Variants in CHST9 observed in about 807,000 individuals in gnomAD.
CHST9 encodes the protein GalNAc-4-sulfotransferase 2.
A neutral mutation model predicts 44.4 loss-of-function variants in CHST9; 41 were observed. That is an observed-to-expected ratio of 0.92 (90% CI 0.72 to 1.20). The LOEUF (loss-of-function observed/expected upper bound fraction) is 1.20, where lower values mean the gene tolerates loss of function less well. CHST9 is among the 50% of genes most tolerant of loss of function. The pLI is 0.00. For synonymous variants in CHST9, 171 were observed against 178.4 expected, an observed-to-expected ratio of 0.96 and a Z score of 0.33; for missense variants, 504 against 516.5, an observed-to-expected ratio of 0.98 and a Z score of 0.23.
At chr18:26,983,611 C>T (rs1417054430) in intron 4 of CHST9, among the ~76,000 whole-genome samples, 1 of 152,124 alleles carries the variant, frequency 6.6e-6, no homozygotes, top group Non-Finnish European at 1.5e-5. Context: ...ATAAATTAGC[C>T]CACCTCAAGT....
intron 5 of CHST9, among the ~76,000 whole-genome samples, chr18:26,936,933 A>G (rs538125070): frequency 2.0e-5 from 3 of 152,294 alleles, no homozygotes; most frequent in Admixed American, 6.5e-5. Context: ...TCAGTATTCC[A>G]TATTTTCTCA....
At chr18:27,079,427 A>C (rs1197894798) in intron 2 of CHST9, among the ~76,000 whole-genome samples, 1 of 152,178 alleles carries the variant, frequency 6.6e-6, no homozygotes, top group Non-Finnish European at 1.5e-5. Flanking sequence ...TCTCTTCACT[A>C]TTTTAAAAAT....
At chr18:27,125,903 G>A (rs1005108669) in intron 2 of CHST9, among the ~76,000 whole-genome samples, 2 of 152,200 alleles carry the variant, frequency 1.3e-5, no homozygotes, top group African/African-American at 4.8e-5. Flanking sequence ...AACAAAGGAA[G>A]TGTAAAAGGG....
intron 3 of CHST9, among the ~76,000 whole-genome samples, chr18:27,045,514 G>C (rs999265497): frequency 6.6e-6 from 1 of 151,870 alleles, no homozygotes; most frequent in East Asian, 1.9e-4. Flanking sequence ...CCGGTAAAGA[G>C]AATCAAGGGA....
chr18:27,046,203 C>T (rs2057498058), intron 3 of CHST9, among the ~76,000 whole-genome samples: 1 of 151,972 alleles, frequency 6.6e-6, no homozygotes, highest in Non-Finnish European at 1.5e-5. Flanking sequence ...AGAGACGTTT[C>T]CTTGTTAGGA....
chr18:27,039,287 G>T lies in CHST9; in HGVS notation c.160+9178C>A, dbSNP rs6650687. Reference sequence around the variant, plus strand: ...GCAACTCAAGTGCCCATTGTTGCATGAATGGATAAATAAAATGCAATATAT... The same window carrying T: ...GCAACTCAAGTGCCCATTGTTGCATTAATGGATAAATAAAATGCAATATAT... On this transcript the variant is annotated intron_variant, in intron 3 of 5. Coordinates refer to ENST00000618847, the MANE Select transcript of CHST9 (RefSeq NM_031422.6). Among the ~76,000 whole-genome samples the T allele has an allele frequency of 9.2e-3, 1,401 of 152,254 alleles. 19 individuals are homozygous for T. The highest frequency in any genetic ancestry group is 0.032 in the African/African-American group (1,341 of 41,558).
rs957326284 is a variant in CHST9, at chr18:26,910,169, T to C, written c.*6090A>G. ...GGACCCAGTGGCTACGACAGAAAGA[T>C]GCCAAAAAAAGGTACTGGATTTCTC... On this transcript the variant is annotated 3_prime_UTR_variant, in exon 6 of 6. Coordinates refer to ENST00000618847, the MANE Select transcript of CHST9 (RefSeq NM_031422.6). The C allele has an allele frequency of 6.6e-6, 1 of 151,872 alleles. No homozygotes were observed. Among genetic ancestry groups the C allele is most frequent in the Non-Finnish European group, 1.5e-5 (1 of 67,952 alleles). 9.4% of individuals were successfully genotyped at this position (151,872 alleles called of 1,614,324 possible). A position where few individuals can be genotyped will look rare whatever the true frequency, so the allele number is the denominator to read the frequency against.
In CHST9 at chr18:27,053,275, A is replaced by AG. The variant is rs1568151287; in HGVS notation, c.122-4773dup. On this transcript the variant is annotated intron_variant, in intron 2 of 5. Coordinates refer to ENST00000618847, the MANE Select transcript of CHST9 (RefSeq NM_031422.6). ...AAGAAGAAGAAGGAGAAGGAGAAGG[A>AG]GAAGGAGAAGGAGAAGGAGAAGGAG... is the stretch of plus-strand genomic sequence containing the variant. Among the ~76,000 whole-genome samples, 225 of 125,710 alleles carry AG rather than the reference A, an allele frequency of 1.8e-3. 8 individuals carry two copies. Among genetic ancestry groups the AG allele is most frequent in the African/African-American group, 6.6e-3 (213 of 32,344 alleles). The allele number at this position is 125,710 out of a possible 152,430, so 82.5% of individuals were successfully genotyped here.
chr18:27,134,126 G>A (rs764170652), intron 2 of CHST9, among the ~76,000 whole-genome samples: 3 of 152,094 alleles, frequency 2.0e-5, no homozygotes, highest in African/African-American at 4.8e-5. Context: ...CAGCAACATC[G>A]CAATCAGGAT....
intron 2 of CHST9, among the ~76,000 whole-genome samples, chr18:27,115,061 A>G (rs556009350): frequency 3.3e-4 from 50 of 151,538 alleles, no homozygotes; most frequent in Non-Finnish European, 6.5e-4. Context: ...GCTTGCACTC[A>G]CTCTGTCCTG....
At chr18:27,109,664 G>A (rs2058253058) in intron 2 of CHST9, among the ~76,000 whole-genome samples, 1 of 152,174 alleles carries the variant, frequency 6.6e-6, no homozygotes, top group African/African-American at 2.4e-5. Flanking sequence ...TGGTGCTGAC[G>A]CCAGCTGCTT....
At chr18:27,089,608 TGTCTTTATAGTAG>T (rs2058047556) in intron 2 of CHST9, among the ~76,000 whole-genome samples, 1 of 152,190 alleles carries the variant, frequency 6.6e-6, no homozygotes, top group African/African-American at 2.4e-5. Flanking sequence ...CATGTGCATA[TGTCTTTATAGTAG>T]CATGATTTAT....
At chr18:27,065,529 A>G (rs1598692081) in intron 2 of CHST9, among the ~76,000 whole-genome samples, 2 of 150,596 alleles carry the variant, frequency 1.3e-5, no homozygotes, top group East Asian at 4.0e-4. Flanking sequence ...GTTGGGAGAG[A>G]GTGGAGAAAA....
At chr18:26,962,827 A>T (rs1427565940) in intron 4 of CHST9, among the ~76,000 whole-genome samples, 1 of 152,142 alleles carries the variant, frequency 6.6e-6, no homozygotes, top group Non-Finnish European at 1.5e-5. Context: ...TCTGGTATAA[A>T]TGGGGAGAAA....
chr18:26,929,087 T>C (rs2055829710), intron 5 of CHST9, among the ~76,000 whole-genome samples: 1 of 152,194 alleles, frequency 6.6e-6, no homozygotes. Flanking sequence ...TCTGTCTTCC[T>C]ATACTCACTC....
intron 4 of CHST9, among the ~76,000 whole-genome samples, chr18:26,978,165 A>C (rs964643155): frequency 1.3e-5 from 2 of 151,802 alleles, no homozygotes; most frequent in African/African-American, 4.8e-5. Flanking sequence ...ACAGAAATTC[A>C]TAACAAATTG....
chr18:27,152,837 A>G (rs1299762822), intron 1 of CHST9, among the ~76,000 whole-genome samples: 2 of 152,166 alleles, frequency 1.3e-5, no homozygotes, highest in African/African-American at 4.8e-5. Context: ...GTCATATCTA[A>G]GATGACTTGA....
At chr18:27,181,219 C>T (rs1242652315) in intron 1 of CHST9, among the ~76,000 whole-genome samples, 2 of 152,170 alleles carry the variant, frequency 1.3e-5, no homozygotes, top group Admixed American at 1.3e-4. Context: ...ACTAACAATT[C>T]AACAAAATCT....
intron 4 of CHST9, among the ~76,000 whole-genome samples, chr18:26,958,381 G>C (rs1279616322): frequency 6.6e-6 from 1 of 150,914 alleles, no homozygotes; most frequent in Non-Finnish European, 1.5e-5. Flanking sequence ...AGATAAAAAA[G>C]AAAGGAAGCC....
Sources: allele counts gnomAD v4.1 joint callset (sites outside exome capture counted in the v4.1 genomes callset), GRCh38; gene constraint gnomAD v4.1.1; transcripts MANE v1.5; gene names NCBI Gene and HGNC (gene_info 2026-07-23, HGNC 2026-07-21).